The following SLC14A2 variants were observed in gnomAD, a reference collection of about 807,000 sequenced individuals.
SLC14A2 encodes the protein solute carrier family 14 member 2, also known as urea transporter 2.
A neutral mutation model predicts 104.6 loss-of-function variants in SLC14A2; 91 were observed. That is an observed-to-expected ratio of 0.87 (90% confidence interval 0.73 to 1.04). The LOEUF (loss-of-function observed/expected upper bound fraction) is 1.04. SLC14A2 is among the 50% of genes least tolerant of loss of function. SLC14A2 has a pLI of 0.00. For missense variants in SLC14A2, 1,189 were observed against 1,156.0 expected, an observed-to-expected ratio of 1.03 and a Z score of -0.41; for synonymous variants, 476 against 466.4, an observed-to-expected ratio of 1.02 and a Z score of -0.27.
intron 1 of SLC14A2, among the ~76,000 whole-genome samples, chr18:45,344,386 C>CGCTG (rs200853604): frequency 0.011 from 1,720 of 152,276 alleles, 13 homozygotes; most frequent in South Asian, 0.015. Context: ...CCCCAAGTTC[C>CGCTG]GCTGGCTGGC....
intron 1 of SLC14A2, among the ~76,000 whole-genome samples, chr18:45,303,490 C>T (rs1723456249): frequency 6.6e-6 from 1 of 152,214 alleles, no homozygotes; most frequent in African/African-American, 2.4e-5. Flanking sequence ...GGATGGGGAG[C>T]TCAGGCAAGA....
chr18:45,549,930 A>T (rs1354730262), intron 2 of SLC14A2: 2 of 151,596 alleles, frequency 1.3e-5, no homozygotes, highest in Non-Finnish European at 2.9e-5. Context: ...TAATAGAAGG[A>T]TATATCTCCC....
chr18:45,584,204 T>C (rs1383868947), intron 2 of SLC14A2, among the ~76,000 whole-genome samples: 1 of 152,100 alleles, frequency 6.6e-6, no homozygotes, highest in Admixed American at 6.5e-5. Flanking sequence ...TTTTTTAAGA[T>C]TTTGGATACA....
chr18:45,441,959 G>A (rs775165388), intron 1 of SLC14A2, among the ~76,000 whole-genome samples: 2 of 152,190 alleles, frequency 1.3e-5, no homozygotes, highest in African/African-American at 4.8e-5. Flanking sequence ...AACAGACCCC[G>A]GAGTGCTATT....
upstream of SLC14A2, among the ~76,000 whole-genome samples, chr18:45,611,597 C>T (rs967452378): frequency 3.3e-5 from 5 of 152,200 alleles, no homozygotes; most frequent in African/African-American, 1.2e-4. Context: ...GCTTAAGCTA[C>T]ATAAGGCCCA....
intron 1 of SLC14A2, among the ~76,000 whole-genome samples, chr18:45,465,088 G>A (rs2087115647): frequency 6.6e-6 from 1 of 152,284 alleles, no homozygotes; most frequent in Middle Eastern, 3.4e-3. Context: ...GAAGACAAGA[G>A]ATGGTGGTCA....
chr18:45,402,072 C>G (rs1279224205), intron 1 of SLC14A2, among the ~76,000 whole-genome samples: 2 of 152,126 alleles, frequency 1.3e-5, no homozygotes, highest in Non-Finnish European at 2.9e-5. Flanking sequence ...CCAAATCCCC[C>G]TCTAGCCAAA....
intron 1 of SLC14A2, among the ~76,000 whole-genome samples, chr18:45,397,648 T>G (rs953268324): frequency 6.6e-6 from 1 of 152,238 alleles, no homozygotes; most frequent in African/African-American, 2.4e-5. Context: ...TCTTTGGCTG[T>G]GCAGAAGCTC....
At chr18:45,381,400 G>C (rs1221612046) in intron 1 of SLC14A2, among the ~76,000 whole-genome samples, 2 of 152,218 alleles carry the variant, frequency 1.3e-5, no homozygotes, top group Non-Finnish European at 2.9e-5. Context: ...TTAAGGATCA[G>C]AGAAGGGACG....
At chr18:45,391,268 T>A (rs529145442) in intron 1 of SLC14A2, among the ~76,000 whole-genome samples, 1 of 152,222 alleles carries the variant, frequency 6.6e-6, no homozygotes, top group Non-Finnish European at 1.5e-5. Flanking sequence ...TCATTTTTTA[T>A]GGCTGCATAG....
intron 19 of SLC14A2, among the ~76,000 whole-genome samples, chr18:45,681,829 C>A (rs1462664926): frequency 6.6e-6 from 1 of 152,210 alleles, no homozygotes; most frequent in Non-Finnish European, 1.5e-5. Flanking sequence ...GCAGCGGGCA[C>A]TTTCACCTGC....
At chr18:45,261,162 C>G (rs575054955) in intron 1 of SLC14A2, among the ~76,000 whole-genome samples, 2 of 150,792 alleles carry the variant, frequency 1.3e-5, no homozygotes, top group African/African-American at 4.9e-5. Context: ...ATTCCTCCCC[C>G]CTGCCCCCAC....
intron 1 of SLC14A2, among the ~76,000 whole-genome samples, chr18:45,422,753 A>G (rs968464174): frequency 6.6e-6 from 1 of 152,134 alleles, no homozygotes; most frequent in African/African-American, 2.4e-5. Context: ...AGGCAGTTAG[A>G]GCTGTTGCTG....
intron 1 of SLC14A2, among the ~76,000 whole-genome samples, chr18:45,291,874 C>A (rs934036565): frequency 6.6e-6 from 1 of 152,134 alleles, no homozygotes; most frequent in African/African-American, 2.4e-5. Flanking sequence ...AACTGGCCAA[C>A]ATCCTCTCTC....
chr18:45,504,111 G>A (rs1479318874), intron 2 of SLC14A2, among the ~76,000 whole-genome samples: 1 of 152,194 alleles, frequency 6.6e-6, no homozygotes. Context: ...CTCCTGGAAT[G>A]TTCCAATAGT....
intron 1 of SLC14A2, among the ~76,000 whole-genome samples, chr18:45,218,687 C>G (rs1471196952): frequency 6.6e-6 from 1 of 152,150 alleles, no homozygotes; most frequent in African/African-American, 2.4e-5. Flanking sequence ...TCTTTAAGCT[C>G]TCTTTCTTCT....
At chr18:45,315,603 A>C (rs2085121399) in intron 1 of SLC14A2, among the ~76,000 whole-genome samples, 1 of 152,078 alleles carries the variant, frequency 6.6e-6, no homozygotes, top group African/African-American at 2.4e-5. Context: ...GAACCATCCC[A>C]TCCCATCCCA....
At chr18:45,343,022 G>C (rs796849074) in intron 1 of SLC14A2, among the ~76,000 whole-genome samples, 27 of 152,204 alleles carry the variant, frequency 1.8e-4, no homozygotes, top group African/African-American at 6.3e-4. Context: ...AAACCCTGAT[G>C]AGTTGCCAAG....
At chr18:45,448,502 T>C (rs1261280923) in intron 1 of SLC14A2, among the ~76,000 whole-genome samples, 1 of 152,180 alleles carries the variant, frequency 6.6e-6, no homozygotes, top group Non-Finnish European at 1.5e-5. Flanking sequence ...CATGAAATGA[T>C]TTGAGAAAGA....
Sources: gnomAD v4.1 joint callset for allele counts (sites outside exome capture counted in the v4.1 genomes callset) on GRCh38, gnomAD v4.1.1 for gene constraint, MANE v1.5 for transcripts, NCBI Gene and HGNC (gene_info 2026-07-23, HGNC 2026-07-21) for gene names.